MADD: variants seen among roughly 807,000 people sequenced by gnomAD.
The protein encoded by MADD is MAP kinase-activating death domain protein.
MADD carries 109 observed loss-of-function variants against 176.7 expected under a neutral mutation model. The observed-to-expected ratio is 0.62, with a 90% CI of 0.53 to 0.72. The LOEUF (loss-of-function observed/expected upper bound fraction) is 0.72, where lower values mean the gene tolerates loss of function less well. Ranked by LOEUF, MADD falls within the 30% of genes least tolerant of loss-of-function variation. MADD has a pLI of 0.00. For missense variants in MADD, 1,914 were observed against 2,045.5 expected, an observed-to-expected ratio of 0.94 and a Z score of 1.24; for synonymous variants, 771 against 771.3, an observed-to-expected ratio of 1.00 and a Z score of 0.01.
In MADD at chr11:47,289,265, C is replaced by A. The variant is rs116247950; in HGVS notation, c.2654-126C>A. On this transcript the variant is annotated intron_variant, in intron 15 of 32. Coordinates refer to ENST00000402192, the Ensembl canonical transcript of MADD. The stretch of plus-strand genomic sequence containing the variant: ...GGCTGGTTTCTACCTACGTATGATG[C>A]CTTGGTGCTACCCTCACCCAGCCCT... 1.7e-3 allele frequency: 1,482 copies of A among 857,062 alleles called. 14 individuals are homozygous for A. In the African/African-American group the frequency reaches 0.021, roughly 12 times the overall value. The allele number at this position is 857,062 out of a possible 1,614,324, so 53.1% of individuals were successfully genotyped here. A position where few individuals can be genotyped will look rare whatever the true frequency, so the allele number is the denominator to read the frequency against.
At position 47,304,368 on chromosome 11, in the gene MADD, T is replaced by G. The variant is rs146805150; in HGVS notation, c.3643-4223T>G. On this transcript the variant is annotated intron_variant, in intron 22 of 32. Coordinates refer to ENST00000402192, the Ensembl canonical transcript of MADD. ...GCCTCAGCCTCCCAAGTAGCTGGGA[T>G]TACAGGCATGCGCCACCACACCTGG... Among the ~76,000 whole-genome samples, 32 of 152,140 alleles carry G rather than the reference T, an allele frequency of 2.1e-4. No homozygotes were observed. In the East Asian group the frequency reaches 4.4e-3, roughly 21 times the overall value.
chr11:47,279,131 C>T, intron 7 of MADD, 52 bp downstream of exon 7: 1 of 1,539,170 alleles, frequency 6.5e-7, no homozygotes, highest in Non-Finnish European at 8.9e-7. Flanking sequence ...TGTGGGATTC[C>T]TATAAGAAGA....
intron 8 of MADD, 110 bp from the exon 9 acceptor site, chr11:47,282,271 T>C: frequency 1.3e-6 from 1 of 773,642 alleles, no homozygotes; most frequent in East Asian, 2.5e-5. Context: ...ATCTCTCCCC[T>C]TGATGTTGGA....
At chr11:47,297,677 A>AC (rs2073912419) in intron 22 of MADD, among the ~76,000 whole-genome samples, 1 of 151,088 alleles carries the variant, frequency 6.6e-6, no homozygotes, top group Non-Finnish European at 1.5e-5. Flanking sequence ...TGATCTCCTG[A>AC]CTTCGTGATC....
chr11:47,269,876 TGA>T (rs1958562779), upstream of MADD: 1 of 152,032 alleles, frequency 6.6e-6, no homozygotes. Context: ...CCCCGTCGGG[TGA>T]GAGTCTCTCT....
In MADD at chr11:47,325,263, G is replaced by A; in HGVS notation, c.4542+686G>A. The A allele has an allele frequency of 6.4e-6, 1 of 155,836 alleles. No individual in the cohort carries two copies. Among genetic ancestry groups the A allele is most frequent in the Non-Finnish European group, 1.4e-5 (1 of 70,916 alleles). The allele number at this position is 155,836 out of a possible 1,614,324, so 9.7% of individuals were successfully genotyped here. A position where few individuals can be genotyped will look rare whatever the true frequency, so the allele number is the denominator to read the frequency against. On this transcript the variant is annotated intron_variant, in intron 30 of 32. Coordinates refer to ENST00000402192, the Ensembl canonical transcript of MADD. This position sits in a 1 kb window ranked among gnomAD's most constrained non-coding sequence, Gnocchi z 4.5. ...TTCTCTCTTGGTCTTTTAACACAGTGTTACCTTTTTCTCTCAGTGGACATT... is the reference window on the plus strand; with the variant it reads ...TTCTCTCTTGGTCTTTTAACACAGTATTACCTTTTTCTCTCAGTGGACATT...
At chr11:47,279,608 T>G (rs938451250) in intron 7 of MADD, among the ~76,000 whole-genome samples, 1 of 152,002 alleles carries the variant, frequency 6.6e-6, no homozygotes, top group Middle Eastern at 3.4e-3. Context: ...CTCTATCTCC[T>G]GACCTCATGA....
chr11:47,309,560 G>A (rs1432575744), exon 25 of MADD: 4 of 1,614,030 alleles, frequency 2.5e-6, no homozygotes, highest in Non-Finnish European at 3.4e-6. Context: ...GATGAAGATC[G>A]CTTGTTGGCC....
intron 27 of MADD, among the ~76,000 whole-genome samples, chr11:47,317,810 G>A (rs1026636271): frequency 2.7e-5 from 4 of 149,210 alleles, no homozygotes; most frequent in African/African-American, 9.9e-5. Flanking sequence ...TCTCTCTATC[G>A]CCCAGGCTGG....
chr11:47,281,687 C>A lies in MADD; in HGVS notation c.1403C>A (p.Thr468Lys), dbSNP rs2056856599. The A allele has an allele frequency of 6.2e-7, 1 of 1,613,622 alleles. No homozygotes were observed. The highest frequency in any genetic ancestry group is 1.7e-5 in the Admixed American group (1 of 59,992). The change falls in exon 8 of 33, where the codon ACA (threonine) becomes AAA (lysine). Residue 468 changes from threonine (T) to lysine (K), a missense_variant. Transcript: ENST00000402192. Reference sequence around the variant, plus strand: ...AGGCCTTCTAATGACCTGCAGTCCACACCGTCCACTGAATTCAACCCACTC... The same window carrying A: ...AGGCCTTCTAATGACCTGCAGTCCAAACCGTCCACTGAATTCAACCCACTC...
At chr11:47,297,776 TC>T (rs2074084537) in intron 22 of MADD, among the ~76,000 whole-genome samples, 1 of 131,968 alleles carries the variant, frequency 7.6e-6, no homozygotes, top group African/African-American at 3.2e-5. Context: ...TCTTTTCTTT[TC>T]TTTCTTTCTT....
At chr11:47,305,379 C>A (rs1401470574) in intron 22 of MADD, among the ~76,000 whole-genome samples, 1 of 152,062 alleles carries the variant, frequency 6.6e-6, no homozygotes, top group Non-Finnish European at 1.5e-5. Flanking sequence ...CTGAGGCACC[C>A]GCTAGCAGCT....
exon 9 of MADD, chr11:47,282,553 G>C (rs1479286309): frequency 6.2e-7 from 1 of 1,614,114 alleles, no homozygotes; most frequent in African/African-American, 1.3e-5. Flanking sequence ...GACTCAGGCT[G>C]TGGAGTACTT....
chr11:47,308,576 A>G lies in MADD; in HGVS notation c.3643-15A>G. On this transcript the variant is annotated splice_polypyrimidine_tract_variant and intron_variant, in intron 22 of 32. Coordinates refer to ENST00000402192, the Ensembl canonical transcript of MADD. ...TGCTACCTCTGGCCACTGACCTATC[A>G]CCTCTTCTCTCTAGGGTAAAGCCCA... The G allele has an allele frequency of 6.2e-7, 1 of 1,607,420 alleles. No homozygotes were observed. Among genetic ancestry groups the G allele is most frequent in the South Asian group, 1.1e-5 (1 of 90,774 alleles).
In MADD at chr11:47,313,157, G is replaced by A. The variant is rs561370584; in HGVS notation, c.4089+1315G>A. On this transcript the variant is annotated intron_variant, in intron 26 of 32. Transcript: ENST00000402192. ...AAGTGAAAATAAGAATTTTGGCAGA[G>A]TTTTGAACTTGAAGCTTCCCAATAT... Among the ~76,000 whole-genome samples the A allele has an allele frequency of 7.2e-5, 11 of 152,328 alleles. No homozygotes were observed. The South Asian group carries it at 2.3e-3, about 32-fold the overall frequency.
intron 27 of MADD, among the ~76,000 whole-genome samples, chr11:47,323,307 G>A (rs537428553): frequency 1.9e-4 from 29 of 151,720 alleles, no homozygotes; most frequent in African/African-American, 5.6e-4. Flanking sequence ...TTTGGGGGCT[G>A]AGGCAGGAAG....
intron 22 of MADD, among the ~76,000 whole-genome samples, chr11:47,301,872 C>T (rs2140093211): frequency 6.6e-6 from 1 of 152,196 alleles, no homozygotes; most frequent in African/African-American, 2.4e-5. Flanking sequence ...GTGGTCTGTC[C>T]TAGAGAATGT....
intron 19 of MADD, among the ~76,000 whole-genome samples, chr11:47,291,922 C>G (rs944696340): frequency 1.3e-5 from 2 of 152,306 alleles, no homozygotes; most frequent in South Asian, 2.1e-4. Flanking sequence ...TTTATGTTCT[C>G]TGTCACCTCA....
chr11:47,285,287 T>G (rs911860580), intron 13 of MADD, 93 bp downstream of exon 13: 10 of 1,561,868 alleles, frequency 6.4e-6, no homozygotes, highest in Non-Finnish European at 6.9e-6. Flanking sequence ...CTGAGAAGTC[T>G]GAATGCTCTC....
Sources: allele counts gnomAD v4.1 joint callset (sites outside exome capture counted in the v4.1 genomes callset), GRCh38; gene constraint gnomAD v4.1.1; non-coding constraint Gnocchi (gnomAD v3.1); transcripts MANE v1.5; gene names NCBI Gene and HGNC (gene_info 2026-07-23, HGNC 2026-07-21).